DDX54: variants seen among roughly 807,000 people sequenced by gnomAD.
The protein encoded by DDX54 is DEAD-box helicase 54, also known as ATP-dependent RNA helicase DDX54.
Under a neutral mutation model 105.5 loss-of-function variants are expected in DDX54, and 67 were observed. The ratio of observed to expected loss-of-function variants is 0.64; its 90% CI spans 0.52 to 0.78. The LOEUF is 0.78. Among genes scored for constraint, DDX54 ranks in the 30% least tolerant of loss-of-function variants. The probability of loss-of-function intolerance (pLI) is 0.00; values close to 1 mark genes in which losing one functional copy is unlikely to be tolerated. For missense variants in DDX54, 1,206 were observed against 1,230.5 expected, an observed-to-expected ratio of 0.98 and a Z score of 0.30; for synonymous variants, 514 against 509.9, an observed-to-expected ratio of 1.01 and a Z score of -0.11.
At chr12:113,175,784 G>A (rs916433726) in intron 7 of DDX54, among the ~76,000 whole-genome samples, 9 of 149,248 alleles carry the variant, frequency 6.0e-5, no homozygotes, top group East Asian at 5.9e-4. Flanking sequence ...GTGAGACTCC[G>A]TCTCAAAAAA....
intron 11 of DDX54, 111 bp downstream of exon 11, chr12:113,172,242 C>G: frequency 7.9e-7 from 1 of 1,260,006 alleles, no homozygotes; most frequent in Non-Finnish European, 1.1e-6. Flanking sequence ...GTCTCTAAAA[C>G]AAGGCCCACA....
At chr12:113,178,954 G>A in intron 5 of DDX54, 23 bp downstream of exon 5, 4 of 1,613,642 alleles carry the variant, frequency 2.5e-6, no homozygotes, top group Non-Finnish European at 2.5e-6. Flanking sequence ...TGGTGACCCT[G>A]GCATGGGGTG....
chr12:113,185,198 G>A (rs2136330881), intron 1 of DDX54, 80 bp downstream of exon 1: 2 of 1,415,256 alleles, frequency 1.4e-6, no homozygotes, highest in Non-Finnish European at 9.2e-7. Flanking sequence ...CCAATCCCCA[G>A]CTGGGGAAAC....
rs1592998492 is a variant in DDX54, at chr12:113,163,347, A to G, written c.1939-73T>C. The G allele has an allele frequency of 6.5e-7, 1 of 1,529,462 alleles. No individual in the cohort carries two copies. Among genetic ancestry groups the G allele is most frequent in the African/African-American group, 1.4e-5 (1 of 72,578 alleles). 94.7% of individuals were successfully genotyped at this position (1,529,462 alleles called of 1,614,324 possible). On this transcript the variant is annotated intron_variant, in intron 15 of 19. Coordinates refer to ENST00000306014, the MANE Select transcript of DDX54 (RefSeq NM_024072.4). The surrounding 1 kb of genome is among the most constrained non-coding windows in gnomAD (Gnocchi z 5.9). ...GGGACTTCCCCCTGCCTCCCTACCC[A>G]CCAGCCTGGCCACAGTGAGGGGCCA...
At position 113,185,272 on chromosome 12, in the gene DDX54, G is replaced by T. The variant is rs1478397540; in HGVS notation, c.174+6C>A. The T allele has an allele frequency of 6.4e-7, 1 of 1,552,656 alleles. No individual in the cohort carries two copies. On this transcript the variant is annotated splice_donor_region_variant and intron_variant, in intron 1 of 19. Coordinates refer to ENST00000306014, the MANE Select transcript of DDX54 (RefSeq NM_024072.4). The stretch of plus-strand genomic sequence containing the variant: ...CCGAACATGCGTCCCAGCCCCACGC[G>T]CCTACCTTCCGGGCCCGGGCGTCAT...
chr12:113,157,793 T>C lies in DDX54; in HGVS notation c.*1084A>G, dbSNP rs1461594921. Reference sequence around the variant, plus strand: ...GGCTCTTCCTGAATCCGTTTCCTCATTGGGAAGATGGGAGGGCTGTGCCTG... The same window carrying C: ...GGCTCTTCCTGAATCCGTTTCCTCACTGGGAAGATGGGAGGGCTGTGCCTG... On this transcript the variant is annotated 3_prime_UTR_variant, in exon 20 of 20. Transcript: ENST00000306014. 1.7e-5 allele frequency: 15 copies of C among 875,072 alleles called. No homozygotes were observed. The highest frequency in any genetic ancestry group is 8.0e-5 in the East Asian group (3 of 37,510). 54.2% of individuals were successfully genotyped at this position (875,072 alleles called of 1,614,324 possible).
chr12:113,171,322 C>T (rs1046027265), intron 11 of DDX54, among the ~76,000 whole-genome samples: 1 of 152,072 alleles, frequency 6.6e-6, no homozygotes, highest in Non-Finnish European at 1.5e-5. Flanking sequence ...AGTTCTGGGG[C>T]CAAGCATGGT....
chr12:113,185,467 G>A lies in DDX54; in HGVS notation c.-16C>T, dbSNP rs1219304576. The A allele has an allele frequency of 8.0e-6, 12 of 1,493,598 alleles. No individual in the cohort carries two copies. The highest frequency in any genetic ancestry group is 1.1e-5 in the Non-Finnish European group (12 of 1,125,702). The allele number at this position is 1,493,598 out of a possible 1,614,324, so 92.5% of individuals were successfully genotyped here. Reference sequence around the variant, plus strand: ...CGGCCGCCATTCGGGCCGCGCGCTGGGAACGCAGAAGGGGGCGTGGCCTGA... The same window carrying A: ...CGGCCGCCATTCGGGCCGCGCGCTGAGAACGCAGAAGGGGGCGTGGCCTGA... On this transcript the variant is annotated 5_prime_UTR_variant, in exon 1 of 20. Transcript: ENST00000306014.
At chr12:113,178,107 C>A (rs1441644952) in intron 5 of DDX54, among the ~76,000 whole-genome samples, 2 of 152,026 alleles carry the variant, frequency 1.3e-5, no homozygotes, top group Non-Finnish European at 2.9e-5. Flanking sequence ...CATGGTGGTG[C>A]ACACCTGTAG....
chr12:113,169,950 G>T, intron 11 of DDX54, 46 bp from the exon 12 acceptor site: 1 of 1,606,634 alleles, frequency 6.2e-7, no homozygotes, highest in Non-Finnish European at 8.5e-7. Context: ...AGAAGGACCC[G>T]GACCCAGCAT....
Position 113,157,552 on chromosome 12 carries a change from T to TG in DDX54, c.*1324dup. On this transcript the variant is annotated 3_prime_UTR_variant, in exon 20 of 20. Transcript: ENST00000306014. ...CCCCCGCGTGTTGAGGGGTGGGGGC[T>TG]GGACAGTGACTCTGGGGCTGGGATG... 6.7e-7 allele frequency: 1 copy of TG among 1,502,432 alleles called. No homozygotes were observed. Among genetic ancestry groups the TG allele is most frequent in the Non-Finnish European group, 9.1e-7 (1 of 1,102,606 alleles). The allele number at this position is 1,502,432 out of a possible 1,614,324, so 93.1% of individuals were successfully genotyped here. A position where few individuals can be genotyped will look rare whatever the true frequency, so the allele number is the denominator to read the frequency against.
intron 19 of DDX54, among the ~76,000 whole-genome samples, chr12:113,160,178 G>A (rs1952186365): frequency 6.6e-6 from 1 of 152,204 alleles, no homozygotes. Flanking sequence ...TCCCACAGAT[G>A]GGAGAGCTGG....
At position 113,185,474 on chromosome 12, in the gene DDX54, A is replaced by T. The variant is rs549661114; in HGVS notation, c.-23T>A. 67 of 1,483,272 alleles carry T rather than the reference A, an allele frequency of 4.5e-5. No individual in the cohort carries two copies. In the East Asian group the frequency reaches 1.1e-3, roughly 23 times the overall value. 91.9% of individuals were successfully genotyped at this position (1,483,272 alleles called of 1,614,324 possible). On this transcript the variant is annotated 5_prime_UTR_variant, in exon 1 of 20. Coordinates refer to ENST00000306014, the MANE Select transcript of DDX54 (RefSeq NM_024072.4). ...CATTCGGGCCGCGCGCTGGGAACGC[A>T]GAAGGGGGCGTGGCCTGAGGAGCGC... is the stretch of plus-strand genomic sequence containing the variant.
chr12:113,184,270 C>A (rs186802502), intron 1 of DDX54, among the ~76,000 whole-genome samples: 2 of 151,812 alleles, frequency 1.3e-5, no homozygotes, highest in Non-Finnish European at 2.9e-5. Context: ...TTTGTAGAGA[C>A]GGGGTCTGCC....
At chr12:113,159,701 G>A (rs933503803) in intron 19 of DDX54, among the ~76,000 whole-genome samples, 1 of 152,114 alleles carries the variant, frequency 6.6e-6, no homozygotes, top group Non-Finnish European at 1.5e-5. Flanking sequence ...GAAGGCCAGA[G>A]AGGGAGAGGG....
chr12:113,157,271 A>G lies in DDX54; in HGVS notation c.*1606T>C. ...CCACCCACGGAGATAAGAGTAGGTC[A>G]CAAACCAATGAATATGACTGATCCA... is the stretch of plus-strand genomic sequence containing the variant. On this transcript the variant is annotated 3_prime_UTR_variant, in exon 20 of 20. Coordinates refer to ENST00000306014, the MANE Select transcript of DDX54 (RefSeq NM_024072.4). 1 of 325,204 alleles carries G rather than the reference A, an allele frequency of 3.1e-6. No homozygotes were observed. The highest frequency in any genetic ancestry group is 5.7e-6 in the Non-Finnish European group (1 of 175,522). 20.1% of individuals were successfully genotyped at this position (325,204 alleles called of 1,614,324 possible). A position where few individuals can be genotyped will look rare whatever the true frequency, so the allele number is the denominator to read the frequency against.
chr12:113,158,750 G>T lies in DDX54; in HGVS notation c.*127C>A. 1 of 1,070,754 alleles carries T rather than the reference G, an allele frequency of 9.3e-7. No homozygotes were observed. The highest frequency in any genetic ancestry group is 1.3e-6 in the Non-Finnish European group (1 of 758,436). 66.3% of individuals were successfully genotyped at this position (1,070,754 alleles called of 1,614,324 possible). On this transcript the variant is annotated 3_prime_UTR_variant, in exon 20 of 20. Coordinates refer to ENST00000306014, the MANE Select transcript of DDX54 (RefSeq NM_024072.4). The surrounding 1 kb of genome is among the most constrained non-coding windows in gnomAD (Gnocchi z 4.9). ...TGGCCATACAGTGCTCCTTTTCACA[G>T]ATGATGGCTCCTGCAGGGAGTGCCC...
chr12:113,159,320 T>C, intron 19 of DDX54: 1 of 561,186 alleles, frequency 1.8e-6, no homozygotes, highest in African/African-American at 1.9e-5. Flanking sequence ...GGGGTTCAAA[T>C]CCCAGCTGTG....
rs376563573 is a variant in DDX54 at position 113,180,898 on chromosome 12, C to A, written c.304+31G>T. On this transcript the variant is annotated intron_variant, in intron 2 of 19. Transcript: ENST00000306014. ...GGGGTTGACCTCCAGCTGCCACTCC[C>A]GCAGAGTCCCTGATGCCAAGTTGCA... 59 of 1,612,014 alleles carry A rather than the reference C, an allele frequency of 3.7e-5. No homozygotes were observed. In the East Asian group the frequency reaches 1.3e-3, roughly 35 times the overall value.
Sources: allele counts gnomAD v4.1 joint callset (sites outside exome capture counted in the v4.1 genomes callset), GRCh38; gene constraint gnomAD v4.1.1; non-coding constraint Gnocchi (gnomAD v3.1); transcripts MANE v1.5; gene names NCBI Gene and HGNC (gene_info 2026-07-23, HGNC 2026-07-21).